Variants in RABL6 observed in about 807,000 individuals in gnomAD.
RABL6 encodes the protein RAB, member RAS oncogene family like 6.
Under a neutral mutation model 72.9 loss-of-function variants are expected in RABL6, and 28 were observed. The observed-to-expected ratio is 0.38, with a 90% CI of 0.28 to 0.53. The LOEUF is 0.53. Among genes scored for constraint, RABL6 ranks in the 20% least tolerant of loss-of-function variants. RABL6 has a pLI of 0.80. For synonymous variants in RABL6, 477 were observed against 421.2 expected (o/e 1.13, Z -1.62); for missense variants, 1,029 against 1,008.4 (o/e 1.02, Z -0.28).
At chr9:136,808,503 G>A (rs1335171889) in intron 1 of RABL6, 177 bp downstream of exon 1, 1 of 587,780 alleles carries the variant, frequency 1.7e-6, no homozygotes, top group Non-Finnish European at 2.4e-6. Context: ...GAGAGGCCAG[G>A]CCAGGGCCGG....
chr9:136,834,172 C>A, intron 7 of RABL6: 2 of 1,268,574 alleles, frequency 1.6e-6, no homozygotes, highest in African/African-American at 3.0e-5. Context: ...AATTTCAGGC[C>A]TTCTTTATGT....
At chr9:136,837,216 G>A in intron 8 of RABL6, 130 bp from the exon 9 acceptor site, 1 of 1,064,934 alleles carries the variant, frequency 9.4e-7, no homozygotes, top group South Asian at 1.4e-5. Flanking sequence ...GATGGCCTCT[G>A]TGGGGCGGGT....
At chr9:136,836,809 G>C (rs552761850) in intron 8 of RABL6, 1 of 250,442 alleles carries the variant, frequency 4.0e-6, no homozygotes, top group African/African-American at 2.3e-5. Flanking sequence ...GAACAGATCC[G>C]AAGTGACTTT....
At chr9:136,818,189 T>C (rs1234976089) in intron 1 of RABL6, among the ~76,000 whole-genome samples, 5 of 141,196 alleles carry the variant, frequency 3.5e-5, no homozygotes, top group African/African-American at 1.1e-4. Context: ...CAGTGAAACC[T>C]CGTCTCTACT....
chr9:136,811,158 C>G (rs1238346442), intron 1 of RABL6, among the ~76,000 whole-genome samples: 1 of 152,238 alleles, frequency 6.6e-6, no homozygotes, highest in African/African-American at 2.4e-5. Context: ...TGACATAGCC[C>G]TCAGGTGACC....
Position 136,829,961 on chromosome 9 carries a change from G to A in RABL6, c.458+477G>A, listed in dbSNP as rs1445249509. On this transcript the variant is annotated intron_variant, in intron 5 of 14. Transcript: ENST00000311502. ...GCAAGCCCCCAGAGTCCACTGTGGA[G>A]TCGCATGGGATCCACTCAGCTCCTC... 3.9e-5 allele frequency among the ~76,000 whole-genome samples: 6 copies of A among 152,370 alleles called. No homozygotes were observed. In the South Asian group the frequency reaches 1.2e-3, roughly 32 times the overall value.
chr9:136,838,863 C>T, intron 10 of RABL6, 46 bp from the exon 11 acceptor site: 1 of 1,465,590 alleles, frequency 6.8e-7, no homozygotes, highest in Admixed American at 2.4e-5. Context: ...CCCGGCCAGC[C>T]ATCCCTACCC....
intron 3 of RABL6, 105 bp downstream of exon 3, chr9:136,825,931 G>A (rs1349369859): frequency 5.2e-6 from 7 of 1,351,750 alleles, no homozygotes; most frequent in East Asian, 4.6e-5. Context: ...CACCATCCTC[G>A]TGGACGGTGC....
intron 1 of RABL6, chr9:136,821,558 T>TG (rs902880333): frequency 3.4e-5 from 33 of 984,980 alleles, no homozygotes; most frequent in Middle Eastern, 5.2e-4. Context: ...GCTGCTCATC[T>TG]GGGGGGGACG....
At chr9:136,840,073 G>C (rs1848661158) in intron 13 of RABL6, 81 bp from the exon 14 acceptor site, 3 of 1,590,370 alleles carry the variant, frequency 1.9e-6, no homozygotes, top group Non-Finnish European at 2.6e-6. Flanking sequence ...GCTGCTTTGT[G>C]AGTTTCTAGA....
Position 136,828,535 on chromosome 9 carries a change from G to C in RABL6, c.355G>C (p.Asp119His). 5.0e-6 allele frequency: 8 copies of C among 1,613,276 alleles called. No individual in the cohort carries two copies. Among genetic ancestry groups the C allele is most frequent in the Non-Finnish European group, 5.9e-6 (7 of 1,179,764 alleles). The change falls in exon 4 of 15, where the codon GAC becomes CAC. Residue 119 changes from aspartate to histidine, a missense_variant. By Grantham distance (81) the Asp-to-His change is moderately conservative (BLOSUM62 -1). Around this residue, in one of 2 missense-constraint regions of RABL6, gnomAD observed 434 missense variants for 536.1 expected, o/e 0.81. Coordinates refer to ENST00000311502, the MANE Select transcript of RABL6 (RefSeq NM_024718.5). ...KRGDGLKMEN[D>H]PQEAESEMAL... Reference sequence around the variant, plus strand: ...AGGCGACGGCTTAAAGATGGAGAACGACCCCCAGGAGGTGAGTGCCAGGTA... The same window carrying C: ...AGGCGACGGCTTAAAGATGGAGAACCACCCCCAGGAGGTGAGTGCCAGGTA...
chr9:136,820,175 T>G, intron 1 of RABL6, among the ~76,000 whole-genome samples: 1 of 124,340 alleles, frequency 8.0e-6, no homozygotes, highest in Non-Finnish European at 1.6e-5. Context: ...CTCCAGCCTG[T>G]GCGGCAGAGT....
Position 136,817,914 on chromosome 9 carries a change from T to C in RABL6, c.131-5611T>C, listed in dbSNP as rs1384552617. Among the ~76,000 whole-genome samples the C allele has an allele frequency of 3.3e-5, 5 of 151,292 alleles. No homozygotes were observed. The East Asian group carries it at 9.8e-4, about 30-fold the overall frequency. On this transcript the variant is annotated intron_variant, in intron 1 of 14. Transcript: ENST00000311502. ...CTGTCTCTACTGAAAACACAAAAAT[T>C]AGCCGGGCATGAGGGCAGGCGCCTG... is the stretch of plus-strand genomic sequence containing the variant.
chr9:136,833,179 A>C (rs2811746), intron 7 of RABL6: 2 of 19,838 alleles, frequency 1.0e-4, no homozygotes, highest in Non-Finnish European at 1.9e-4. Flanking sequence ...GGGCTGCCCC[A>C]CCTGGGTCTG....
At chr9:136,816,699 A>G (rs1476359456) in intron 1 of RABL6, among the ~76,000 whole-genome samples, 3 of 137,364 alleles carry the variant, frequency 2.2e-5, no homozygotes, top group South Asian at 2.8e-4. Context: ...CCTGGGTGAC[A>G]GAGTGAGACT....
chr9:136,821,956 C>T lies in RABL6; in HGVS notation c.131-1569C>T, dbSNP rs573003293. 3.1e-5 allele frequency: 40 copies of T among 1,289,258 alleles called. No homozygotes were observed. In the Admixed American group the frequency reaches 6.9e-4, roughly 22 times the overall value. 79.9% of individuals were successfully genotyped at this position (1,289,258 alleles called of 1,614,324 possible). On this transcript the variant is annotated intron_variant, in intron 1 of 14. Coordinates refer to ENST00000311502, the MANE Select transcript of RABL6 (RefSeq NM_024718.5). ...GTTTTGCCGCAGCGCTGGCCGGCGCCGAGATATGACCAGAGGCGTTGAAAG... is the reference window on the plus strand; with the variant it reads ...GTTTTGCCGCAGCGCTGGCCGGCGCTGAGATATGACCAGAGGCGTTGAAAG...
chr9:136,834,771 C>T (rs1031617658), intron 7 of RABL6, among the ~76,000 whole-genome samples: 5 of 152,046 alleles, frequency 3.3e-5, no homozygotes, highest in African/African-American at 9.7e-5. Context: ...AGCCACCACG[C>T]CCAGCCTCAC....
intron 1 of RABL6, among the ~76,000 whole-genome samples, chr9:136,820,010 C>T (rs912216558): frequency 6.6e-6 from 1 of 152,028 alleles, no homozygotes; most frequent in African/African-American, 2.4e-5. Flanking sequence ...TGAGACCAGC[C>T]CGGGCAAAAT....
At position 136,837,396 on chromosome 9, in the gene RABL6, C is replaced by T. The variant is rs759906604; in HGVS notation, c.860C>T (p.Ala287Val). The change falls in exon 9 of 15, where the codon GCG (alanine) becomes GTG (valine). Residue 287 changes from alanine to valine, a missense_variant. Ala to Val is a moderately conservative substitution (Grantham distance 64). Coordinates refer to ENST00000311502, the MANE Select transcript of RABL6 (RefSeq NM_024718.5). Reference sequence around the variant, plus strand: ...AGCCGTGGCCATGCGTCCCCACTGGCGGCCAACGGGCAGAGCCCATCCCCG... The same window carrying T: ...AGCCGTGGCCATGCGTCCCCACTGGTGGCCAACGGGCAGAGCCCATCCCCG... The part of the protein sequence containing the change: ...ARSRGHASPL[A>V]ANGQSPSPGS... 2.4e-5 allele frequency: 38 copies of T among 1,598,374 alleles called. No individual in the cohort carries two copies. In the East Asian group the frequency reaches 6.1e-4, roughly 26 times the overall value.
Sources: gnomAD v4.1 joint callset for allele counts (sites outside exome capture counted in the v4.1 genomes callset) on GRCh38, gnomAD v4.1.1 for gene constraint, gnomAD v4.1.1 regional missense constraint, MANE v1.5 for transcripts, NCBI Gene and HGNC (gene_info 2026-07-23, HGNC 2026-07-21) for gene names.